The following CACNA2D3 variants were observed in gnomAD, a reference collection of about 807,000 sequenced individuals.
The protein encoded by CACNA2D3 is calcium voltage-gated channel auxiliary subunit alpha2delta 3.
Under a neutral mutation model 160.6 loss-of-function variants are expected in CACNA2D3, and 60 were observed. The observed-to-expected ratio is 0.37, with a 90% CI of 0.30 to 0.46. CACNA2D3 has a LOEUF of 0.46. Ranked by LOEUF, CACNA2D3 falls within the 20% of genes least tolerant of loss-of-function variation. The pLI is 1.00. For missense variants in CACNA2D3, 1,205 were observed against 1,365.0 expected (o/e 0.88, Z 1.85); for synonymous variants, 558 against 492.9 (o/e 1.13, Z -1.75).
In CACNA2D3 at chr3:55,018,331, C is replaced by CG; in HGVS notation, c.2987+14_2987+15insG. On this transcript the variant is annotated intron_variant, in intron 35 of 37. Transcript: ENST00000474759. ...AGACTGCTCCAAGTAAGCCATCCCC[C>CG]CACCCTCTAACCCCCTACACCTTTC... 6.6e-7 allele frequency: 1 copy of CG among 1,514,614 alleles called. No individual in the cohort carries two copies. Among genetic ancestry groups the CG allele is most frequent in the Non-Finnish European group, 9.2e-7 (1 of 1,091,682 alleles). The allele number at this position is 1,514,614 out of a possible 1,614,324, so 93.8% of individuals were successfully genotyped here. A position where few individuals can be genotyped will look rare whatever the true frequency, so the allele number is the denominator to read the frequency against.
At chr3:54,820,344 G>A (rs974096015) in intron 14 of CACNA2D3, among the ~76,000 whole-genome samples, 1 of 152,094 alleles carries the variant, frequency 6.6e-6, no homozygotes, top group African/African-American at 2.4e-5. Context: ...AATGACTGTT[G>A]TCTGTAAGTT....
intron 5 of CACNA2D3, among the ~76,000 whole-genome samples, chr3:54,535,030 C>T (rs1175873653): frequency 6.6e-5 from 10 of 152,232 alleles, no homozygotes; most frequent in African/African-American, 2.4e-4. Context: ...CCATTTGCCA[C>T]TACTGAAATT....
rs1232836962 is a variant in CACNA2D3 at position 54,787,003 on chromosome 3, CTG to C, written c.1380+22656_1380+22657del. 2.0e-5 allele frequency among the ~76,000 whole-genome samples: 3 copies of C among 152,202 alleles called. No homozygotes were observed. The East Asian group carries it at 5.8e-4, about 29-fold the overall frequency. On this transcript the variant is annotated intron_variant, in intron 13 of 37. Coordinates refer to ENST00000474759, the MANE Select transcript of CACNA2D3 (RefSeq NM_018398.3). ...GAAGCCATTGTTATTTGAAATAACTCTGTGTTTGTTACTCATTTTAGTTAGCA... is the reference window on the plus strand; with the variant it reads ...GAAGCCATTGTTATTTGAAATAACTCTGTTTGTTACTCATTTTAGTTAGCA...
At chr3:54,416,923 A>G (rs1368861598) in intron 4 of CACNA2D3, among the ~76,000 whole-genome samples, 1 of 152,208 alleles carries the variant, frequency 6.6e-6, no homozygotes, top group African/African-American at 2.4e-5. Context: ...GAAGGGAAAC[A>G]TACTCATACA....
rs1699556588 is a variant in CACNA2D3, at chr3:54,872,424, T to TA, written c.1710+802_1710+803insA. Among the ~76,000 whole-genome samples the TA allele has an allele frequency of 2.0e-5, 3 of 152,070 alleles. No individual in the cohort carries two copies. The South Asian group carries it at 6.2e-4, about 32-fold the overall frequency. On this transcript the variant is annotated intron_variant, in intron 18 of 37. Transcript: ENST00000474759. ...AGTGTGTCTGTGCTGAGGCCACGTT[T>TA]CTCTGCCCTACCCTCCCAGATTCGT...
At chr3:54,672,748 C>T (rs1460868588) in intron 11 of CACNA2D3, among the ~76,000 whole-genome samples, 2 of 152,134 alleles carry the variant, frequency 1.3e-5, no homozygotes, top group Admixed American at 6.5e-5. Context: ...ATCTGTGCTT[C>T]GGCTGTCCCG....
chr3:54,899,877 T>C lies in CACNA2D3; in HGVS notation c.2449+9T>C. 6.3e-7 allele frequency: 1 copy of C among 1,578,206 alleles called. No individual in the cohort carries two copies. Among genetic ancestry groups the C allele is most frequent in the South Asian group, 1.2e-5 (1 of 86,496 alleles). ...ATCTCCTGTGGTGGCAGGTAAATAA[T>C]TGATTGAATCCATGAAGACAAAGTA... On this transcript the variant is annotated intron_variant, in intron 27 of 37. Transcript: ENST00000474759.
At chr3:54,240,039 G>T (rs1458862745) in intron 2 of CACNA2D3, among the ~76,000 whole-genome samples, 2 of 152,160 alleles carry the variant, frequency 1.3e-5, no homozygotes, top group Non-Finnish European at 2.9e-5. Context: ...GGGAACAGAA[G>T]AATACAGTTA....
chr3:54,520,992 T>C (rs1346222202), intron 5 of CACNA2D3, among the ~76,000 whole-genome samples: 4 of 150,724 alleles, frequency 2.7e-5, no homozygotes, highest in Non-Finnish European at 4.4e-5. Context: ...AATACTACAT[T>C]TTGTTTATCC....
intron 3 of CACNA2D3, among the ~76,000 whole-genome samples, chr3:54,320,834 A>G (rs1051936422): frequency 2.6e-5 from 4 of 152,216 alleles, no homozygotes; most frequent in East Asian, 1.9e-4. Flanking sequence ...TGGGCCTGTA[A>G]CTGTATGATG....
chr3:55,033,888 A>AAT (rs1449718976), intron 35 of CACNA2D3, among the ~76,000 whole-genome samples: 1 of 127,134 alleles, frequency 7.9e-6, no homozygotes, highest in Non-Finnish European at 1.6e-5. Flanking sequence ...TTACATATTA[A>AAT]GTATATTTAA....
intron 14 of CACNA2D3, among the ~76,000 whole-genome samples, chr3:54,832,626 C>T (rs1703905468): frequency 6.6e-6 from 1 of 152,214 alleles, no homozygotes; most frequent in African/African-American, 2.4e-5. Context: ...TATTGATAAA[C>T]ACCAGGCATT....
At chr3:54,261,292 G>A (rs540671424) in intron 2 of CACNA2D3, among the ~76,000 whole-genome samples, 11 of 152,168 alleles carry the variant, frequency 7.2e-5, no homozygotes, top group Non-Finnish European at 1.5e-4. Context: ...ACTCAAGCCC[G>A]TCTTCTCTCC....
intron 11 of CACNA2D3, among the ~76,000 whole-genome samples, chr3:54,733,870 C>G (rs1031144158): frequency 2.6e-5 from 4 of 152,056 alleles, no homozygotes; most frequent in Admixed American, 1.3e-4. Context: ...TTAATTTCAT[C>G]AGTGAACACG....
intron 5 of CACNA2D3, among the ~76,000 whole-genome samples, chr3:54,513,040 A>T (rs141014256): frequency 1.9e-4 from 29 of 151,984 alleles, no homozygotes; most frequent in Non-Finnish European, 3.5e-4. Context: ...CATGGGAAAA[A>T]CCTGCCCCAT....
chr3:54,325,048 A>T (rs1469911241), intron 3 of CACNA2D3, among the ~76,000 whole-genome samples: 4 of 152,182 alleles, frequency 2.6e-5, no homozygotes, highest in Non-Finnish European at 1.5e-5. Flanking sequence ...GACCTTGGTT[A>T]TATGGACAGG....
chr3:54,939,281 GA>G (rs1230015119), intron 27 of CACNA2D3, among the ~76,000 whole-genome samples: 1 of 152,306 alleles, frequency 6.6e-6, no homozygotes, highest in East Asian at 1.9e-4. Context: ...TTACTAAAGA[GA>G]AAATTGAAAC....
chr3:54,970,880 A>G (rs1043678086), intron 29 of CACNA2D3, among the ~76,000 whole-genome samples: 3 of 151,996 alleles, frequency 2.0e-5, no homozygotes, highest in Admixed American at 6.5e-5. Context: ...GACCTTATAA[A>G]TAGTCACATA....
intron 35 of CACNA2D3, among the ~76,000 whole-genome samples, chr3:55,056,268 C>T (rs1704358277): frequency 6.6e-6 from 1 of 152,108 alleles, no homozygotes; most frequent in Non-Finnish European, 1.5e-5. Flanking sequence ...TCATTTCACA[C>T]CTGCCAGACT....
Sources: allele counts gnomAD v4.1 joint callset (sites outside exome capture counted in the v4.1 genomes callset), GRCh38; gene constraint gnomAD v4.1.1; transcripts MANE v1.5; gene names NCBI Gene and HGNC (gene_info 2026-07-23, HGNC 2026-07-21).